MRE11: variants seen among roughly 807,000 people sequenced by gnomAD.
MRE11 encodes MRE11 double strand break repair nuclease.
A neutral mutation model predicts 91.7 loss-of-function variants in MRE11; 62 were observed. The observed-to-expected ratio is 0.68, with a 90% CI of 0.55 to 0.84. MRE11 has a LOEUF of 0.84. Ranked by LOEUF, MRE11 falls within the 40% of genes least tolerant of loss-of-function variation. MRE11 has a pLI of 0.00. For synonymous variants in MRE11, 273 were observed against 271.4 expected, an observed-to-expected ratio of 1.01 and a Z score of -0.06; for missense variants, 796 against 852.9, an observed-to-expected ratio of 0.93 and a Z score of 0.83.
intron 19 of MRE11, among the ~76,000 whole-genome samples, chr11:94,424,543 T>A (rs1458853919): frequency 6.6e-6 from 1 of 152,172 alleles, no homozygotes; most frequent in Non-Finnish European, 1.5e-5. Flanking sequence ...CAATTTAGAA[T>A]CTGGATGGCA....
At chr11:94,443,528 C>T (rs896443293) in intron 16 of MRE11, among the ~76,000 whole-genome samples, 2 of 152,196 alleles carry the variant, frequency 1.3e-5, no homozygotes, top group African/African-American at 2.4e-5. Context: ...AGTTCCCTCA[C>T]ATATAAAACA....
chr11:94,434,351 G>C (rs1019913393), intron 18 of MRE11, among the ~76,000 whole-genome samples: 1 of 152,098 alleles, frequency 6.6e-6, no homozygotes, highest in Non-Finnish European at 1.5e-5. Flanking sequence ...CCAGGGGATA[G>C]AGTGGGATGA....
rs1591708731 is a variant in MRE11 at position 94,479,747 on chromosome 11, T to C, written c.329A>G (p.Asn110Ser). ...NFGFSKFPWV[N>S]YQDGNLNISI... ...AATGTTGAGGTTGCCATCTTGATAG[T>C]TCACCCATGGAAACCTTAAAAAAAA... is the stretch of plus-strand genomic sequence containing the variant. Residue 110 changes from asparagine (N) to serine (S), a missense_variant, in exon 5 of 20, where the codon AAC becomes AGC. By Grantham distance (46) the Asn-to-Ser change is conservative. Coordinates refer to ENST00000323929, the MANE Select transcript of MRE11 (RefSeq NM_005591.4). The C allele has an allele frequency of 1.9e-6, 3 of 1,612,368 alleles. No homozygotes were observed. The highest frequency in any genetic ancestry group is 2.5e-6 in the Non-Finnish European group (3 of 1,179,674).
At chr11:94,443,603 T>A (rs1483461057) in intron 16 of MRE11, among the ~76,000 whole-genome samples, 5 of 152,220 alleles carry the variant, frequency 3.3e-5, no homozygotes, top group Admixed American at 2.0e-4. Context: ...TAAATCAGTA[T>A]GTTTCTAGCT....
intron 19 of MRE11, among the ~76,000 whole-genome samples, chr11:94,426,941 C>G (rs1017820680): frequency 3.9e-5 from 6 of 152,114 alleles, no homozygotes; most frequent in African/African-American, 1.4e-4. Flanking sequence ...CCCTAGACTA[C>G]ATGGATTCAC....
At chr11:94,459,196 A>G (rs1946348071) in intron 13 of MRE11, among the ~76,000 whole-genome samples, 1 of 152,224 alleles carries the variant, frequency 6.6e-6, no homozygotes, top group Non-Finnish European at 1.5e-5. Context: ...CATGGGGAAC[A>G]AAACACTTTA....
In MRE11 at chr11:94,447,273, T is replaced by C. The variant is rs1200372640; in HGVS notation, c.1729A>G (p.Arg577Gly). ...NKGRGRGRGR[R>G]GGRGQNSASR... is the part of the protein sequence containing the mutation. ...GCTGAATTCTGCCCTCTTCCACCTC[T>C]TCGACCTCTTCCTCGGCCTCTTCCT... Residue 577 changes from arginine (R) to glycine (G), a missense_variant, in exon 15 of 20, where the codon AGA becomes GGA. Physicochemically the swap from Arg to Gly is moderately radical, Grantham distance 125. Transcript: ENST00000323929. 1.9e-6 allele frequency: 3 copies of C among 1,613,964 alleles called. No homozygotes were observed. Among genetic ancestry groups the C allele is most frequent in the Non-Finnish European group, 1.7e-6 (2 of 1,180,030 alleles).
At chr11:94,481,082 G>A (rs1045449385) in intron 4 of MRE11, among the ~76,000 whole-genome samples, 172 of 152,272 alleles carry the variant, frequency 1.1e-3, no homozygotes, top group African/African-American at 3.8e-3. Context: ...GCCGAGGTGG[G>A]CAGATCACCT....
At position 94,440,294 on chromosome 11, in the gene MRE11, T is replaced by C. The variant is rs547616658; in HGVS notation, c.1868-3059A>G. 9.9e-5 allele frequency among the ~76,000 whole-genome samples: 15 copies of C among 152,222 alleles called. 1 individual carries two copies. Among genetic ancestry groups the C allele is most frequent in the Admixed American group, 3.3e-4 (5 of 15,288 alleles). On this transcript the variant is annotated intron_variant, in intron 16 of 19. Transcript: ENST00000323929. ...CATCATAACTGGTCTCCAGTCTTTC[T>C]ACACAAATAGAAGCTTTATTCTATG...
chr11:94,476,575 C>CT (rs200327058), intron 6 of MRE11, among the ~76,000 whole-genome samples, 172 bp from the exon 7 acceptor site: 20 of 148,254 alleles, frequency 1.3e-4, no homozygotes, highest in Admixed American at 4.7e-4. Context: ...CTTTTTTTAT[C>CT]TTTTTTTTTT....
chr11:94,459,977 T>A (rs1946372952), intron 12 of MRE11, among the ~76,000 whole-genome samples: 1 of 152,252 alleles, frequency 6.6e-6, no homozygotes, highest in East Asian at 1.9e-4. Context: ...TATCAGAGAC[T>A]ATCCAGGTGG....
chr11:94,502,288 T>A, the MRE11 span, among the ~76,000 whole-genome samples: 34 of 152,366 alleles, frequency 2.2e-4, no homozygotes, highest in Admixed American at 1.9e-3. Flanking sequence ...GTATTTGATA[T>A]GTATTTGTAA....
At chr11:94,489,302 G>C (rs922057208) in intron 3 of MRE11, among the ~76,000 whole-genome samples, 1 of 151,792 alleles carries the variant, frequency 6.6e-6, no homozygotes, top group Non-Finnish European at 1.5e-5. Context: ...AAGGGCCTCA[G>C]AGTAGAACAT....
At chr11:94,452,320 C>T (rs1946131921) in intron 14 of MRE11, among the ~76,000 whole-genome samples, 1 of 150,966 alleles carries the variant, frequency 6.6e-6, no homozygotes, top group Non-Finnish European at 1.5e-5. Flanking sequence ...TAGGCAGACT[C>T]ATTAGTAAAA....
At chr11:94,461,158 A>C in intron 11 of MRE11, 122 bp from the exon 12 acceptor site, 1 of 773,748 alleles carries the variant, frequency 1.3e-6, no homozygotes, top group East Asian at 2.7e-5. Context: ...CTTGCTCAAC[A>C]TGGTAAATTT....
rs1007643261 is a variant in MRE11, at chr11:94,425,437, T to C, written c.2070+4474A>G. Among the ~76,000 whole-genome samples the C allele has an allele frequency of 2.6e-5, 4 of 152,266 alleles. No individual in the cohort carries two copies. In the South Asian group the frequency reaches 6.2e-4, roughly 24 times the overall value. On this transcript the variant is annotated intron_variant, in intron 19 of 19. Transcript: ENST00000323929. Reference sequence around the variant, plus strand: ...TTAGAGACACTATAAAGCAACTACATAATCAAGTCTACAAAACAACCAGCT... The same window carrying C: ...TTAGAGACACTATAAAGCAACTACACAATCAAGTCTACAAAACAACCAGCT...
chr11:94,441,804 G>GT (rs1244753516), intron 16 of MRE11, among the ~76,000 whole-genome samples: 1 of 151,452 alleles, frequency 6.6e-6, no homozygotes, highest in Admixed American at 6.6e-5. Context: ...CAGTAAAACC[G>GT]TGTCTCTACT....
chr11:94,475,367 A>G (rs998687318), intron 7 of MRE11: 4 of 304,816 alleles, frequency 1.3e-5, no homozygotes, highest in Non-Finnish European at 2.6e-5. Flanking sequence ...ATACCATTTT[A>G]TTCAAGGGAT....
the MRE11 span, among the ~76,000 whole-genome samples, chr11:94,511,515 A>G: frequency 6.6e-6 from 1 of 152,274 alleles, no homozygotes; most frequent in South Asian, 2.1e-4. Context: ...GGGAGTATAA[A>G]GGAGCAATAA....
Sources: gnomAD v4.1 joint callset for allele counts (sites outside exome capture counted in the v4.1 genomes callset) on GRCh38, gnomAD v4.1.1 for gene constraint, MANE v1.5 for transcripts, NCBI Gene and HGNC (gene_info 2026-07-23, HGNC 2026-07-21) for gene names.